Variants in PTCD2 observed in about 807,000 individuals in gnomAD.
PTCD2 encodes the protein pentatricopeptide repeat-containing protein 2, mitochondrial.
Under a neutral mutation model 42.6 loss-of-function variants are expected in PTCD2, and 31 were observed. The ratio of observed to expected loss-of-function variants is 0.73; its 90% CI spans 0.55 to 0.98. The LOEUF (loss-of-function observed/expected upper bound fraction) is 0.98. PTCD2 is among the 50% of genes least tolerant of loss of function. The pLI, the probability that PTCD2 is intolerant of heterozygous loss-of-function variation, is 0.00. For synonymous variants in PTCD2, 183 were observed against 170.9 expected, an observed-to-expected ratio of 1.07 and a Z score of -0.55; for missense variants, 476 against 454.8, an observed-to-expected ratio of 1.05 and a Z score of -0.42.
At chr5:72,325,579 A>G (rs1357059016) in intron 2 of PTCD2, among the ~76,000 whole-genome samples, 1 of 152,178 alleles carries the variant, frequency 6.6e-6, no homozygotes, top group African/African-American at 2.4e-5. Flanking sequence ...TAACTGTTAC[A>G]TGGTTCTGCA....
intron 3 of PTCD2, among the ~76,000 whole-genome samples, chr5:72,327,382 C>G (rs1751201780): frequency 6.6e-6 from 1 of 152,188 alleles, no homozygotes; most frequent in South Asian, 2.1e-4. Context: ...CCAGCAAAGG[C>G]TTCGCTTACC....
chr5:72,321,453 C>T (rs1235560987), intron 1 of PTCD2: 1 of 152,226 alleles, frequency 6.6e-6, no homozygotes, highest in Non-Finnish European at 1.5e-5. Flanking sequence ...AAACCTGCTC[C>T]TAACCACTTC....
At chr5:72,324,698 A>G (rs1235996253) in intron 2 of PTCD2, among the ~76,000 whole-genome samples, 2 of 152,096 alleles carry the variant, frequency 1.3e-5, no homozygotes, top group Non-Finnish European at 2.9e-5. Context: ...TATAGTATTC[A>G]TGTGTCACCT....
At chr5:72,331,861 G>A (rs967720091) in intron 4 of PTCD2, among the ~76,000 whole-genome samples, 6 of 152,116 alleles carry the variant, frequency 3.9e-5, no homozygotes, top group African/African-American at 1.2e-4. Flanking sequence ...GCTACTCATT[G>A]AATATTTACT....
chr5:72,332,522 A>T lies in PTCD2; in HGVS notation c.468+1147A>T, dbSNP rs569955441. ...TTTTTACTTTATACATTTTTGTATT[A>T]TTTGACTATTTTTAATAAACATATG... is the stretch of plus-strand genomic sequence containing the variant. On this transcript the variant is annotated intron_variant, in intron 4 of 9. Coordinates refer to ENST00000380639, the MANE Select transcript of PTCD2 (RefSeq NM_024754.5). 5.2e-4 allele frequency among the ~76,000 whole-genome samples: 73 copies of T among 140,902 alleles called. 2 individuals carry two copies. The highest frequency in any genetic ancestry group is 4.6e-3 in the Admixed American group (67 of 14,508). The allele number at this position is 140,902 out of a possible 152,430, so 92.4% of individuals were successfully genotyped here. A position where few individuals can be genotyped will look rare whatever the true frequency, so the allele number is the denominator to read the frequency against.
At chr5:72,356,080 G>C (rs1479838611) in intron 9 of PTCD2, among the ~76,000 whole-genome samples, 2 of 152,214 alleles carry the variant, frequency 1.3e-5, no homozygotes, top group Non-Finnish European at 2.9e-5. Flanking sequence ...TTTTAGCTCT[G>C]TGTAGGCTGT....
Position 72,320,462 on chromosome 5 carries a change from C to A in PTCD2, c.80C>A (p.Pro27His). Reference protein sequence around the residue: ...LLQALQILVYPGVGGSGSVSC... With the variant: ...LLQALQILVYHGVGGSGSVSC... ...CAGGCGCTGCAGATTTTGGTGTATC[C>A]TGGGGTGGGAGGCTCCGGCTCTGTC... is the stretch of plus-strand genomic sequence containing the variant. Residue 27 changes from proline (P) to histidine (H), a missense_variant, in exon 1 of 10, where the codon CCT becomes CAT. Physicochemically the swap from Pro to His is moderately conservative, Grantham distance 77. Coordinates refer to ENST00000380639, the MANE Select transcript of PTCD2 (RefSeq NM_024754.5). 1 of 1,614,106 alleles carries A rather than the reference C, an allele frequency of 6.2e-7. No homozygotes were observed. Among genetic ancestry groups the A allele is most frequent in the Non-Finnish European group, 8.5e-7 (1 of 1,180,022 alleles).
intron 2 of PTCD2, among the ~76,000 whole-genome samples, chr5:72,325,097 A>T (rs1399060689): frequency 1.3e-5 from 2 of 151,894 alleles, no homozygotes; most frequent in Non-Finnish European, 2.9e-5. Context: ...TACTTTTTGT[A>T]TTTTTGGTAG....
intron 8 of PTCD2, among the ~76,000 whole-genome samples, chr5:72,345,798 G>T (rs1752331066): frequency 6.6e-6 from 1 of 152,152 alleles, no homozygotes; most frequent in Non-Finnish European, 1.5e-5. Context: ...TCTGTTCAAT[G>T]AATATTTGCT....
rs1751258160 is a variant in PTCD2, at chr5:72,328,439, T to A, written c.350+1698T>A. Among the ~76,000 whole-genome samples the A allele has an allele frequency of 2.6e-5, 4 of 152,208 alleles. No homozygotes were observed. The South Asian group carries it at 8.3e-4, about 32-fold the overall frequency. On this transcript the variant is annotated intron_variant, in intron 3 of 9. Coordinates refer to ENST00000380639, the MANE Select transcript of PTCD2 (RefSeq NM_024754.5). ...CAGGCATGATAGAGCTGCCCAGAAT[T>A]GGCATGGCTTCTCTTGGTTAAGGCA...
chr5:72,341,691 C>CCATG (rs375226090), intron 7 of PTCD2, among the ~76,000 whole-genome samples: 45 of 152,170 alleles, frequency 3.0e-4, no homozygotes, highest in African/African-American at 1.1e-3. Flanking sequence ...CTGCAGTGAG[C>CCATG]CATGATTCCA....
rs1753162915 is a variant in PTCD2, at chr5:72,364,742, G to A, written c.*6315G>A. 1 of 152,180 alleles carries A rather than the reference G, an allele frequency of 6.6e-6. No individual in the cohort carries two copies. The highest frequency in any genetic ancestry group is 2.4e-5 in the African/African-American group (1 of 41,438). The allele number at this position is 152,180 out of a possible 1,614,324, so 9.4% of individuals were successfully genotyped here. On this transcript the variant is annotated 3_prime_UTR_variant, in exon 10 of 10. Coordinates refer to ENST00000380639, the MANE Select transcript of PTCD2 (RefSeq NM_024754.5). ...CATGACAGAGCCAAGACACAGACAA[G>A]TAGAATGACTTGCCTGTGCGGGGGT... is the stretch of plus-strand genomic sequence containing the variant.
At chr5:72,335,318 G>A (rs933536729) in intron 5 of PTCD2, among the ~76,000 whole-genome samples, 82 of 151,792 alleles carry the variant, frequency 5.4e-4, no homozygotes, top group African/African-American at 1.7e-3. Context: ...GCGCGGTGGC[G>A]GGCGCCTGTA....
rs778265747 is a variant in PTCD2, at chr5:72,320,464, GGGGT to G, written c.86_89del (p.Val29GlufsTer24). 1.2e-6 allele frequency: 2 copies of G among 1,614,154 alleles called. No homozygotes were observed. Among genetic ancestry groups the G allele is most frequent in the East Asian group, 4.5e-5 (2 of 44,856 alleles). Reference sequence around the variant, plus strand: ...GGCGCTGCAGATTTTGGTGTATCCTGGGGTGGGAGGCTCCGGCTCTGTCAGCTGC... The same window carrying G: ...GGCGCTGCAGATTTTGGTGTATCCTGGGGAGGCTCCGGCTCTGTCAGCTGC... On this transcript the variant is annotated frameshift_variant, in exon 1 of 10. Coordinates refer to ENST00000380639, the MANE Select transcript of PTCD2 (RefSeq NM_024754.5). LOFTEE classifies it high-confidence loss of function.
intron 8 of PTCD2, among the ~76,000 whole-genome samples, chr5:72,343,528 T>C (rs1199975831): frequency 6.6e-6 from 1 of 152,208 alleles, no homozygotes; most frequent in Non-Finnish European, 1.5e-5. Flanking sequence ...TGTTATCTAT[T>C]GTCATTCTTA....
chr5:72,344,907 G>A (rs1430024215), intron 8 of PTCD2, among the ~76,000 whole-genome samples: 2 of 152,128 alleles, frequency 1.3e-5, no homozygotes, highest in Non-Finnish European at 2.9e-5. Flanking sequence ...GGTAAATGGA[G>A]GCAGGGCGAG....
At position 72,360,124 on chromosome 5, in the gene PTCD2, A is replaced by G. The variant is rs565332322; in HGVS notation, c.*1697A>G. 3.3e-5 allele frequency: 5 copies of G among 152,108 alleles called. No individual in the cohort carries two copies. Among genetic ancestry groups the G allele is most frequent in the African/African-American group, 1.2e-4 (5 of 41,522 alleles). 9.4% of individuals were successfully genotyped at this position (152,108 alleles called of 1,614,324 possible). On this transcript the variant is annotated 3_prime_UTR_variant, in exon 10 of 10. Transcript: ENST00000380639. ...TTCTTGTCCTTGTGCTCTGTGAAAC[A>G]TTGAACAGCCCCATTTAGAGAAACA...
At position 72,335,103 on chromosome 5, in the gene PTCD2, A is replaced by G. The variant is rs1438425304; in HGVS notation, c.547+7A>G. Reference sequence around the variant, plus strand: ...ATCAAAGGCAAATATAAAAGTAAGTACTGCAATTTCTATTTGCTGAAAAAT... The same window carrying G: ...ATCAAAGGCAAATATAAAAGTAAGTGCTGCAATTTCTATTTGCTGAAAAAT... On this transcript the variant is annotated splice_region_variant and intron_variant, in intron 5 of 9. Transcript: ENST00000380639. 6.9e-7 allele frequency: 1 copy of G among 1,455,784 alleles called. No individual in the cohort carries two copies. Among genetic ancestry groups the G allele is most frequent in the East Asian group, 2.3e-5 (1 of 44,020 alleles). The allele number at this position is 1,455,784 out of a possible 1,614,324, so 90.2% of individuals were successfully genotyped here.
At chr5:72,341,574 A>T (rs1752066821) in intron 7 of PTCD2, among the ~76,000 whole-genome samples, 1 of 151,912 alleles carries the variant, frequency 6.6e-6, no homozygotes, top group Non-Finnish European at 1.5e-5. Context: ...CTCTACAAAA[A>T]ATAAATAAAT....
Sources: gnomAD v4.1 joint callset for allele counts (sites outside exome capture counted in the v4.1 genomes callset) on GRCh38, gnomAD v4.1.1 for gene constraint, MANE v1.5 for transcripts, NCBI Gene and HGNC (gene_info 2026-07-23, HGNC 2026-07-21) for gene names.